Variants in CES5A observed in about 807,000 individuals in gnomAD.
CES5A encodes the protein carboxylesterase 5A, also known as carboxylesterase 5.
Under a neutral mutation model 62.9 loss-of-function variants are expected in CES5A, and 67 were observed. That is an observed-to-expected ratio of 1.07 (90% CI 0.88 to 1.31). CES5A has a LOEUF of 1.31. CES5A is among the 50% of genes most tolerant of loss of function. CES5A has a pLI of 0.00. For synonymous variants in CES5A, 296 were observed against 280.8 expected (o/e 1.05, Z -0.54); for missense variants, 748 against 708.5 (o/e 1.06, Z -0.63).
At chr16:55,867,675 T>C (rs2033492036) in intron 4 of CES5A, among the ~76,000 whole-genome samples, 1 of 152,178 alleles carries the variant, frequency 6.6e-6, no homozygotes, top group Admixed American at 6.5e-5. Flanking sequence ...GCATTATACC[T>C]TAGTGGTTAC....
intron 2 of CES5A, among the ~76,000 whole-genome samples, chr16:55,944,897 G>A (rs2034478457): frequency 6.6e-6 from 1 of 152,198 alleles, no homozygotes; most frequent in Admixed American, 6.5e-5. Context: ...CAGGGCCCAT[G>A]CTGGAGTAAG....
intron 4 of CES5A, among the ~76,000 whole-genome samples, chr16:55,868,117 T>C (rs1417725609): frequency 6.6e-6 from 1 of 152,228 alleles, no homozygotes; most frequent in Non-Finnish European, 1.5e-5. Context: ...GGCCTGTCCT[T>C]GCCTTCCCGC....
intron 1 of CES5A, among the ~76,000 whole-genome samples, chr16:55,955,488 A>G (rs1166830399): frequency 3.9e-5 from 6 of 152,180 alleles, no homozygotes; most frequent in African/African-American, 1.4e-4. Flanking sequence ...ATCTTTCTCC[A>G]CATTTGAAAT....
chr16:55,877,611 C>T (rs927801983), upstream of CES5A, among the ~76,000 whole-genome samples: 5 of 152,088 alleles, frequency 3.3e-5, no homozygotes, highest in Non-Finnish European at 7.3e-5. Flanking sequence ...CCACTTCTGT[C>T]GCAGGCCCCT....
intron 4 of CES5A, among the ~76,000 whole-genome samples, chr16:55,866,909 A>C (rs2033477476): frequency 6.6e-6 from 1 of 152,028 alleles, no homozygotes; most frequent in African/African-American, 2.4e-5. Flanking sequence ...TGTACCAGAC[A>C]CTGTTCTAAG....
chr16:55,859,463 T>A, intron 8 of CES5A, 84 bp downstream of exon 8: 1 of 1,355,958 alleles, frequency 7.4e-7, no homozygotes, highest in Non-Finnish European at 1.0e-6. Context: ...ATACCTGATG[T>A]CTTCTGTGGA....
At chr16:55,897,302 C>A (rs1219507667) in intron 1 of CES5A, among the ~76,000 whole-genome samples, 1 of 152,116 alleles carries the variant, frequency 6.6e-6, no homozygotes, top group African/African-American at 2.4e-5. Flanking sequence ...AAGCCAGGGG[C>A]AGGGGGAGTG....
At chr16:55,918,343 A>G (rs1425728035) in intron 1 of CES5A, among the ~76,000 whole-genome samples, 1 of 152,096 alleles carries the variant, frequency 6.6e-6, no homozygotes, top group African/African-American at 2.4e-5. Context: ...ATGTCCAACT[A>G]CTGTTCCAAC....
chr16:55,913,951 A>G (rs1235837589), intron 1 of CES5A, among the ~76,000 whole-genome samples: 1 of 152,210 alleles, frequency 6.6e-6, no homozygotes, highest in Non-Finnish European at 1.5e-5. Context: ...TGGCAAGCAC[A>G]GGGTGCCCTG....
chr16:55,885,177 T>C (rs1181271674), intron 1 of CES5A, among the ~76,000 whole-genome samples: 3 of 152,124 alleles, frequency 2.0e-5, no homozygotes, highest in Non-Finnish European at 1.5e-5. Context: ...ACTTACATCA[T>C]TGCACCTCCT....
At chr16:55,931,446 G>A (rs565865165) in intron 2 of CES5A, among the ~76,000 whole-genome samples, 1 of 152,278 alleles carries the variant, frequency 6.6e-6, no homozygotes, top group African/African-American at 2.4e-5. Flanking sequence ...ACTGATGCAA[G>A]GTCAAGTGCA....
In CES5A at chr16:55,875,189, G is replaced by A. The variant is rs146478301; in HGVS notation, c.33C>T (p.Ile11=). ...CAAGGACCCAGATAGCCCAAATTAG[G>A]ATCTGGCCTGGGTGCACCCAATTCC... The part of the protein sequence containing the change: MSGNWVHPGQ[I]LIWAIWVLAA... Residue 11 remains isoleucine (I), a synonymous_variant, in exon 1 of 13, where the codon ATC becomes ATT. Transcript: ENST00000290567. 5,923 of 1,613,978 alleles carry A rather than the reference G, an allele frequency of 3.7e-3. 35 individuals carry two copies. The highest frequency in any genetic ancestry group is 0.021 in the Middle Eastern group (130 of 6,060).
At chr16:55,927,486 T>C (rs1273126829), upstream of CES5A, among the ~76,000 whole-genome samples, 3 of 152,174 alleles carry the variant, frequency 2.0e-5, no homozygotes, top group African/African-American at 4.8e-5. Context: ...AAAGAGAATA[T>C]ACAAATGGCC....
intron 1 of CES5A, among the ~76,000 whole-genome samples, chr16:55,950,250 G>A (rs1211740846): frequency 3.3e-5 from 5 of 152,132 alleles, no homozygotes; most frequent in East Asian, 1.9e-4. Flanking sequence ...AATCAACCTC[G>A]TGAAAGAAAA....
Position 55,863,398 on chromosome 16 carries a change from C to A in CES5A, c.760G>T (p.Val254Leu). ...LFHKAIMESGVAIIPYLEAHD... is the reference protein window; with the variant it reads ...LFHKAIMESGLAIIPYLEAHD... ...GCCTCCAGGTAAGGGATGATGGCCA[C>A]CCCACTCTCCATGATGGCTTTGTGG... Residue 254 changes from valine to leucine, a missense_variant, in exon 6 of 13, where the codon GTG becomes TTG. Transcript: ENST00000290567. The A allele has an allele frequency of 6.2e-7, 1 of 1,609,864 alleles. No homozygotes were observed. Among genetic ancestry groups the A allele is most frequent in the Non-Finnish European group, 8.5e-7 (1 of 1,176,838 alleles).
chr16:55,945,066 G>A (rs541136092), intron 2 of CES5A, among the ~76,000 whole-genome samples: 1 of 152,106 alleles, frequency 6.6e-6, no homozygotes, highest in African/African-American at 2.4e-5. Context: ...GTTAATAATA[G>A]GCTTGTTTTA....
At chr16:55,894,088 TAA>T (rs1285677346) in intron 1 of CES5A, among the ~76,000 whole-genome samples, 7 of 151,844 alleles carry the variant, frequency 4.6e-5, no homozygotes, top group African/African-American at 1.2e-4. Context: ...GAAAGAAAAA[TAA>T]GTGTTTTTCA....
chr16:55,879,169 C>T (rs2033734952), upstream of CES5A, among the ~76,000 whole-genome samples: 1 of 149,576 alleles, frequency 6.7e-6, no homozygotes, highest in South Asian at 2.2e-4. Flanking sequence ...CTGCACCCCA[C>T]CACTGCACTC....
chr16:55,873,365 T>C (rs538594990), intron 2 of CES5A, among the ~76,000 whole-genome samples: 1 of 152,182 alleles, frequency 6.6e-6, no homozygotes, highest in Non-Finnish European at 1.5e-5. Context: ...TTTTGACAGC[T>C]GGAGCTAACA....
Sources: allele counts gnomAD v4.1 joint callset (sites outside exome capture counted in the v4.1 genomes callset), GRCh38; gene constraint gnomAD v4.1.1; transcripts MANE v1.5; gene names NCBI Gene and HGNC (gene_info 2026-07-23, HGNC 2026-07-21).